Variants in IPO9 observed in about 807,000 individuals in gnomAD.
The protein encoded by IPO9 is importin 9, also known as importin-9.
Under a neutral mutation model 128.6 loss-of-function variants are expected in IPO9, and 28 were observed. The observed-to-expected ratio is 0.22, with a 90% CI of 0.16 to 0.30. IPO9 has a LOEUF of 0.30. IPO9 is among the 10% of genes least tolerant of loss of function. The probability of loss-of-function intolerance (pLI) is 1.00; values close to 1 mark genes in which losing one functional copy is unlikely to be tolerated. For synonymous variants in IPO9, 455 were observed against 475.8 expected, an observed-to-expected ratio of 0.96 and a Z score of 0.57; for missense variants, 935 against 1,293.9, an observed-to-expected ratio of 0.72 and a Z score of 4.26.
At chr1:201,859,045 G>A in intron 13 of IPO9, 51 bp downstream of exon 13, 1 of 1,573,198 alleles carries the variant, frequency 6.4e-7, no homozygotes, top group Non-Finnish European at 8.7e-7. Flanking sequence ...ACCTGTTGTG[G>A]GGTTGGGGGA....
At position 201,876,063 on chromosome 1, in the gene IPO9, G is replaced by A; in HGVS notation, c.*9G>A. ...AGACCATCGGCATCTAAAAAGGGGA[G>A]CCTTTCTACATTTGCTCCTTCTGGG... On this transcript the variant is annotated 3_prime_UTR_variant, in exon 24 of 24. Transcript: ENST00000361565. 1 of 1,568,320 alleles carries A rather than the reference G, an allele frequency of 6.4e-7. No homozygotes were observed. Among genetic ancestry groups the A allele is most frequent in the Non-Finnish European group, 8.8e-7 (1 of 1,138,282 alleles).
rs1680921579 is a variant in IPO9, at chr1:201,883,180, C to CCT, written c.*7127_*7128insTC. 1 of 149,266 alleles carries CCT rather than the reference C, an allele frequency of 6.7e-6. No homozygotes were observed. Among genetic ancestry groups the CCT allele is most frequent in the Non-Finnish European group, 1.5e-5 (1 of 67,088 alleles). 9.2% of individuals were successfully genotyped at this position (149,266 alleles called of 1,614,324 possible). On this transcript the variant is annotated 3_prime_UTR_variant, in exon 24 of 24. Transcript: ENST00000361565. Reference sequence around the variant, plus strand: ...TTTGCTTTCACTAGATTCCCCCCCCCCCAACAACTTAGTCCAAGAACATAC... The same window carrying CCT: ...TTTGCTTTCACTAGATTCCCCCCCCCCTCCAACAACTTAGTCCAAGAACATAC...
chr1:201,872,227 TAAA>T (rs781005841), intron 19 of IPO9, among the ~76,000 whole-genome samples: 9 of 151,836 alleles, frequency 5.9e-5, no homozygotes, highest in Non-Finnish European at 1.2e-4. Flanking sequence ...AAAATAAAAA[TAAA>T]AAACCCAACC....
Position 201,881,047 on chromosome 1 carries a change from C to T in IPO9, c.*4993C>T, listed in dbSNP as rs1680874716. The T allele has an allele frequency of 6.6e-6, 1 of 152,104 alleles. No homozygotes were observed. The highest frequency in any genetic ancestry group is 6.5e-5 in the Admixed American group (1 of 15,270). The allele number at this position is 152,104 out of a possible 1,614,324, so 9.4% of individuals were successfully genotyped here. A position where few individuals can be genotyped will look rare whatever the true frequency, so the allele number is the denominator to read the frequency against. Reference sequence around the variant, plus strand: ...TGTAGCCCCATTATAAGCTGAAAAGCATCTGTAGTATAATAAATGTGGGGA... The same window carrying T: ...TGTAGCCCCATTATAAGCTGAAAAGTATCTGTAGTATAATAAATGTGGGGA... On this transcript the variant is annotated 3_prime_UTR_variant, in exon 24 of 24. Transcript: ENST00000361565.
chr1:201,849,546 T>A (rs1680181099), intron 4 of IPO9, among the ~76,000 whole-genome samples: 1 of 152,238 alleles, frequency 6.6e-6, no homozygotes, highest in Non-Finnish European at 1.5e-5. Context: ...CTGATATGTA[T>A]TCTTGCTTAG....
At chr1:201,833,202 T>C (rs1022419826) in intron 1 of IPO9, among the ~76,000 whole-genome samples, 2 of 151,768 alleles carry the variant, frequency 1.3e-5, no homozygotes, top group East Asian at 3.9e-4. Context: ...GATAGGTTAC[T>C]TCATCAGCCT....
intron 13 of IPO9, among the ~76,000 whole-genome samples, chr1:201,861,319 CT>C (rs1680442815): frequency 6.6e-6 from 1 of 152,182 alleles, no homozygotes; most frequent in Non-Finnish European, 1.5e-5. Flanking sequence ...GATTTTTCAT[CT>C]TTACAGTGAT....
chr1:201,863,421 C>T, intron 13 of IPO9, 27 bp from the exon 14 acceptor site: 1 of 1,525,562 alleles, frequency 6.6e-7, no homozygotes, highest in Non-Finnish European at 8.9e-7. Flanking sequence ...CATTTTCCAG[C>T]CCCTAATTGT....
At chr1:201,843,082 A>G (rs958051097) in intron 1 of IPO9, among the ~76,000 whole-genome samples, 1 of 152,232 alleles carries the variant, frequency 6.6e-6, no homozygotes, top group African/African-American at 2.4e-5. Flanking sequence ...GTGATGGTCT[A>G]GATTGCAGGC....
chr1:201,871,670 G>C (rs111307509), intron 19 of IPO9, among the ~76,000 whole-genome samples: 2,778 of 152,146 alleles, frequency 0.018, 95 homozygotes, highest in African/African-American at 0.063. Context: ...TGGGATTACA[G>C]GTGTGAGCCA....
chr1:201,859,065 A>T, intron 13 of IPO9, 71 bp downstream of exon 13: 1 of 1,481,822 alleles, frequency 6.7e-7, no homozygotes, highest in Non-Finnish European at 9.3e-7. Flanking sequence ...AGGGATCAGC[A>T]TTAGGAGATA....
At chr1:201,874,725 C>G in intron 21 of IPO9, 107 bp from the exon 22 acceptor site, 1 of 774,466 alleles carries the variant, frequency 1.3e-6, no homozygotes, top group Non-Finnish European at 2.2e-6. Flanking sequence ...GGACTACAAG[C>G]CACATTGCAG....
chr1:201,872,991 C>T (rs372841102), intron 20 of IPO9, 30 bp downstream of exon 20: 1 of 1,595,800 alleles, frequency 6.3e-7, no homozygotes, highest in Non-Finnish European at 8.6e-7. Flanking sequence ...TTCCAATCCT[C>T]TCCCTATACG....
chr1:201,830,847 T>C (rs1679820553), intron 1 of IPO9, among the ~76,000 whole-genome samples: 1 of 152,216 alleles, frequency 6.6e-6, no homozygotes, highest in Admixed American at 6.5e-5. Flanking sequence ...GGCACCTTTG[T>C]ATGAAAGGTG....
Position 201,878,279 on chromosome 1 carries a change from G to A in IPO9, c.*2225G>A, listed in dbSNP as rs1680814536. The A allele has an allele frequency of 6.6e-6, 1 of 152,546 alleles. No individual in the cohort carries two copies. The highest frequency in any genetic ancestry group is 2.1e-4 in the South Asian group (1 of 4,828). 9.4% of individuals were successfully genotyped at this position (152,546 alleles called of 1,614,324 possible). A position where few individuals can be genotyped will look rare whatever the true frequency, so the allele number is the denominator to read the frequency against. ...TGCAGACTCCATAGTTTATCTCAAG[G>A]CAGTGCCAGTCGGATTTGGTGCTAA... On this transcript the variant is annotated 3_prime_UTR_variant, in exon 24 of 24. Coordinates refer to ENST00000361565, the MANE Select transcript of IPO9 (RefSeq NM_018085.5).
In IPO9 at chr1:201,870,587, G is replaced by A; in HGVS notation, c.2138G>A (p.Gly713Asp). Residue 713 changes from glycine to aspartate, a missense_variant, in exon 18 of 24, where the codon GGC becomes GAC. Gly to Asp is a moderately conservative substitution (Grantham distance 94). Transcript: ENST00000361565. The surrounding 1 kb of genome is among the most constrained non-coding windows in gnomAD (Gnocchi z 4.9). ...HTDDNATMQN[G>D]GECLRAYVSV... ...TTGCCACCCCTGTCTCCCCAGAATG[G>A]CGGAGAGTGCTTGCGGGCCTATGTG... The A allele has an allele frequency of 6.2e-7, 1 of 1,612,540 alleles. No homozygotes were observed. Among genetic ancestry groups the A allele is most frequent in the Non-Finnish European group, 8.5e-7 (1 of 1,178,756 alleles).
At chr1:201,850,858 A>T (rs1255064534) in intron 4 of IPO9, 1 of 152,212 alleles carries the variant, frequency 6.6e-6, no homozygotes, top group Non-Finnish European at 1.5e-5. Flanking sequence ...AGCTGTAAAG[A>T]AAATTCAACC....
At chr1:201,851,132 C>T (rs1680207996) in intron 4 of IPO9, among the ~76,000 whole-genome samples, 1 of 151,526 alleles carries the variant, frequency 6.6e-6, no homozygotes, top group Non-Finnish European at 1.5e-5. Context: ...CCTCCTGCCT[C>T]AGCATCCTAA....
rs542386843 is a variant in IPO9 at position 201,859,313 on chromosome 1, C to G, written c.1468+319C>G. Among the ~76,000 whole-genome samples the G allele has an allele frequency of 2.4e-4, 37 of 151,526 alleles. 1 individual carries two copies. In the East Asian group the frequency reaches 6.8e-3, roughly 28 times the overall value. On this transcript the variant is annotated intron_variant, in intron 13 of 23. Transcript: ENST00000361565. ...AGTGAAAATTGTTTGCACCCTACAGCTTGAACTCATCCGAACCTCTAAAAC... is the reference window on the plus strand; with the variant it reads ...AGTGAAAATTGTTTGCACCCTACAGGTTGAACTCATCCGAACCTCTAAAAC...
Sources: gnomAD v4.1 joint callset for allele counts (sites outside exome capture counted in the v4.1 genomes callset) on GRCh38, gnomAD v4.1.1 for gene constraint, Gnocchi (gnomAD v3.1) non-coding constraint, MANE v1.5 for transcripts, NCBI Gene and HGNC (gene_info 2026-07-23, HGNC 2026-07-21) for gene names.